The following BLTP1 variants were observed in gnomAD, a reference collection of about 807,000 sequenced individuals.
BLTP1 encodes bridge-like lipid transfer protein family member 1, also known as fragile site-associated protein.
chr4:122,271,689 TA>T, the BLTP1 span: 1 of 1,584,234 alleles, frequency 6.3e-7, no homozygotes, highest in Non-Finnish European at 8.6e-7. Context: ...CCAACAGGAA[TA>T]TTGGAAAAGT....
the BLTP1 span, among the ~76,000 whole-genome samples, chr4:122,282,982 A>G: frequency 3.9e-5 from 6 of 152,116 alleles, no homozygotes; most frequent in Admixed American, 2.0e-4. Flanking sequence ...TATCATGTTT[A>G]TATGTTGTCA....
At chr4:122,346,580 AG>A in the BLTP1 span, 1 of 1,593,410 alleles carries the variant, frequency 6.3e-7, no homozygotes, top group Non-Finnish European at 8.6e-7. Context: ...AAAACATTAA[AG>A]GTTTTAGAAA....
At chr4:122,320,097 A>T in the BLTP1 span, among the ~76,000 whole-genome samples, 632 of 152,230 alleles carry the variant, frequency 4.2e-3, 2 homozygotes, top group African/African-American at 0.014. Context: ...TAGTGGATTC[A>T]TCTGTTTCTC....
At chr4:122,193,025 C>T in the BLTP1 span, among the ~76,000 whole-genome samples, 1 of 152,176 alleles carries the variant, frequency 6.6e-6, no homozygotes, top group Non-Finnish European at 1.5e-5. Flanking sequence ...CTCTCCTTGA[C>T]TTGTAGATGG....
the BLTP1 span, chr4:122,204,761 G>C: frequency 9.3e-6 from 5 of 538,310 alleles, no homozygotes; most frequent in Admixed American, 3.2e-4. Flanking sequence ...CCAAGTGTTA[G>C]ACGCTGTGCT....
At chr4:122,163,476 C>T in the BLTP1 span, among the ~76,000 whole-genome samples, 117 of 152,340 alleles carry the variant, frequency 7.7e-4, no homozygotes, top group Admixed American at 2.8e-3. Context: ...GAAAGCAGCA[C>T]TCAGCAGGGT....
At chr4:122,269,503 A>G in the BLTP1 span, 836 of 985,194 alleles carry the variant, frequency 8.5e-4, no homozygotes, top group Non-Finnish European at 9.6e-4. Flanking sequence ...CATTCTTACA[A>G]CTAACTCATG....
chr4:122,202,568 AC>A, the BLTP1 span: 3 of 966,030 alleles, frequency 3.1e-6, no homozygotes, highest in Admixed American at 6.2e-5. Context: ...TTTGCTTCTC[AC>A]TTAAGATTTT....
At chr4:122,173,285 C>T in the BLTP1 span, 766 of 982,874 alleles carry the variant, frequency 7.8e-4, no homozygotes, top group Middle Eastern at 2.4e-3. Context: ...TCTGATAGTT[C>T]TGGAGGCTGG....
At chr4:122,361,543 C>A in the BLTP1 span, among the ~76,000 whole-genome samples, 10 of 152,128 alleles carry the variant, frequency 6.6e-5, no homozygotes, top group Non-Finnish European at 1.0e-4. Context: ...TTGGATAAAT[C>A]ATCAATACAG....
chr4:122,287,203 T>G, the BLTP1 span, among the ~76,000 whole-genome samples: 4 of 152,302 alleles, frequency 2.6e-5, no homozygotes, highest in Non-Finnish European at 5.9e-5. Context: ...AGGTAACAAA[T>G]TCATACAGGT....
At chr4:122,215,518 G>C in the BLTP1 span, 1 of 985,282 alleles carries the variant, frequency 1.0e-6, no homozygotes, top group Non-Finnish European at 1.2e-6. Context: ...TGATTTTCTG[G>C]GGGCCATTTA....
chr4:122,349,833 C>T, the BLTP1 span: 1 of 1,609,326 alleles, frequency 6.2e-7, no homozygotes, highest in African/African-American at 1.3e-5. This position sits in a 1 kb window ranked among gnomAD's most constrained non-coding sequence, Gnocchi z 4.5. Context: ...AGACATCTGA[C>T]AAAGATTTTG....
At chr4:122,298,139 ATTTGT>A in the BLTP1 span, 3 of 707,680 alleles carry the variant, frequency 4.2e-6, no homozygotes, top group Non-Finnish European at 5.2e-6. Context: ...TTTTCTTCAG[ATTTGT>A]TTTGATTCTT....
chr4:122,179,711 C>T, the BLTP1 span: 1 of 317,342 alleles, frequency 3.2e-6, no homozygotes. Flanking sequence ...CAGAAATGGG[C>T]GTGCACATAT....
At chr4:122,240,253 G>T in the BLTP1 span, 3 of 1,614,054 alleles carry the variant, frequency 1.9e-6, no homozygotes, top group Non-Finnish European at 1.7e-6. Flanking sequence ...ACCAACAAAA[G>T]AACCTCTAAA....
At chr4:122,255,350 G>C in the BLTP1 span, 1 of 1,109,282 alleles carries the variant, frequency 9.0e-7, no homozygotes, top group Non-Finnish European at 1.3e-6. Context: ...CTGATACACA[G>C]GGTTTGAGAT....
At chr4:122,205,044 T>G in the BLTP1 span, 3 of 152,680 alleles carry the variant, frequency 2.0e-5, no homozygotes, top group African/African-American at 7.2e-5. Context: ...TATTCTGCCA[T>G]TTTAGTAAGA....
the BLTP1 span, chr4:122,209,885 A>C: frequency 5.6e-6 from 9 of 1,613,590 alleles, no homozygotes; most frequent in Non-Finnish European, 6.8e-6. Flanking sequence ...ATGGCATCCA[A>C]TTTATCCACA....
Sources: allele counts gnomAD v4.1 joint callset (sites outside exome capture counted in the v4.1 genomes callset), GRCh38; gene constraint gnomAD v4.1.1; non-coding constraint Gnocchi (gnomAD v3.1); transcripts MANE v1.5; gene names NCBI Gene and HGNC (gene_info 2026-07-23, HGNC 2026-07-21).